The following CFAP251 variants were observed in gnomAD, a reference collection of about 807,000 sequenced individuals.
CFAP251 encodes cilia- and flagella-associated protein 251.
A neutral mutation model predicts 126.7 loss-of-function variants in CFAP251; 93 were observed. That is an observed-to-expected ratio of 0.73 (90% CI 0.62 to 0.87). The LOEUF is 0.87. Ranked by LOEUF, CFAP251 falls within the 40% of genes least tolerant of loss-of-function variation. The probability of loss-of-function intolerance (pLI) is 0.00; values close to 1 mark genes in which losing one functional copy is unlikely to be tolerated. For missense variants in CFAP251, 1,287 were observed against 1,389.2 expected, an observed-to-expected ratio of 0.93 and a Z score of 1.17; for synonymous variants, 503 against 506.9, an observed-to-expected ratio of 0.99 and a Z score of 0.10.
Position 121,998,432 on chromosome 12 carries a change from AATAT to A in CFAP251, c.3007-1231_3007-1228del, listed in dbSNP as rs71082926. On this transcript the variant is annotated intron_variant, in intron 19 of 21. Coordinates refer to ENST00000288912, the MANE Select transcript of CFAP251 (RefSeq NM_144668.6). ...TACCAGTTCTAATAGTTTTTAGTGT[AATAT>A]ATATATATATATATATATATATATA... 7.1e-3 allele frequency: 593 copies of A among 84,040 alleles called. 2 individuals are homozygous for A. Among genetic ancestry groups the A allele is most frequent in the Non-Finnish European group, 8.6e-3 (345 of 40,214 alleles). 5.2% of individuals were successfully genotyped at this position (84,040 alleles called of 1,614,324 possible). A position where few individuals can be genotyped will look rare whatever the true frequency, so the allele number is the denominator to read the frequency against.
intron 11 of CFAP251, among the ~76,000 whole-genome samples, chr12:121,957,567 G>A (rs901854445): frequency 5.3e-5 from 8 of 152,080 alleles, no homozygotes; most frequent in Non-Finnish European, 1.2e-4. Context: ...AGCCGGGCGT[G>A]GTGACGGGTG....
chr12:121,966,146 TCCCTCCCCTC>T (rs1565916169), intron 15 of CFAP251, among the ~76,000 whole-genome samples: 2 of 40,224 alleles, frequency 5.0e-5, no homozygotes, highest in Non-Finnish European at 1.2e-4. Flanking sequence ...ACTCTTCCCT[TCCCTCCCCTC>T]CCCTCCCCTC....
At chr12:121,969,468 C>G (rs1882261979) in intron 17 of CFAP251, 1 of 985,244 alleles carries the variant, frequency 1.0e-6, no homozygotes, top group Non-Finnish European at 1.2e-6. Context: ...CCTGTGGGGA[C>G]AAGCAGAACC....
chr12:121,969,034 C>A (rs541376469), intron 17 of CFAP251: 1 of 985,090 alleles, frequency 1.0e-6, no homozygotes, highest in South Asian at 4.7e-5. Flanking sequence ...TTCTCCAAGC[C>A]CCTGCGCTGC....
At chr12:121,953,665 T>C (rs1301585597) in intron 9 of CFAP251, 2 of 160,044 alleles carry the variant, frequency 1.2e-5, no homozygotes, top group Non-Finnish European at 2.8e-5. Context: ...TCGGGCAGCA[T>C]AGAGAATAGG....
In CFAP251 at chr12:121,999,812, C is replaced by G. The variant is rs771775915; in HGVS notation, c.3103C>G (p.Leu1035Val). ...CTTACCAGATTTCCTAAAAGTGTAC[C>G]TTAACCACAAGCCACCTTTTGGTAA... Reference protein sequence around the residue: ...INLPDFLKVYLNHKPPFGNTM... With the variant: ...INLPDFLKVYVNHKPPFGNTM... Residue 1035 changes from leucine to valine, a missense_variant, in exon 20 of 22, where the codon CTT becomes GTT. Transcript: ENST00000288912. The G allele has an allele frequency of 1.9e-5, 31 of 1,613,950 alleles. No individual in the cohort carries two copies. Among genetic ancestry groups the G allele is most frequent in the East Asian group, 1.1e-4 (5 of 44,896 alleles).
At chr12:121,992,419 G>T in intron 19 of CFAP251, 1 of 985,374 alleles carries the variant, frequency 1.0e-6, no homozygotes, top group Non-Finnish European at 1.2e-6. Context: ...TGAGTGGTTT[G>T]TGCTGTGAAT....
intron 7 of CFAP251, among the ~76,000 whole-genome samples, chr12:121,945,226 C>T (rs933540449): frequency 3.3e-5 from 5 of 152,214 alleles, no homozygotes; most frequent in South Asian, 4.1e-4. Flanking sequence ...TCACCTCTAC[C>T]TGCATTATCT....
In CFAP251 at chr12:122,003,651, G is replaced by A. The variant is rs760007700; in HGVS notation, c.3338-1G>A. The stretch of plus-strand genomic sequence containing the variant: ...TGGTGTTCTTTTCTTGTTTTGGCTA[G>A]GTTCAGAAATTTGCCTTGAAGAAGA... On this transcript the variant is annotated splice_acceptor_variant, in intron 21 of 21. Transcript: ENST00000288912. LOFTEE classifies it high-confidence loss of function. The A allele has an allele frequency of 6.2e-7, 1 of 1,606,744 alleles. No individual in the cohort carries two copies. The highest frequency in any genetic ancestry group is 8.5e-7 in the Non-Finnish European group (1 of 1,177,540).
In CFAP251 at chr12:121,931,731, G is replaced by T. The variant is rs1880699137; in HGVS notation, c.748-15G>T. 1 of 1,543,390 alleles carries T rather than the reference G, an allele frequency of 6.5e-7. No individual in the cohort carries two copies. The highest frequency in any genetic ancestry group is 8.7e-7 in the Non-Finnish European group (1 of 1,149,286). On this transcript the variant is annotated splice_polypyrimidine_tract_variant and intron_variant, in intron 3 of 21. Coordinates refer to ENST00000288912, the MANE Select transcript of CFAP251 (RefSeq NM_144668.6). ...CACGCTGTAATGTCTTGCTGGCTTT[G>T]CCCTTGTCTTCCAGACCATGACCTG...
At chr12:121,998,889 C>CAAAAAAAA (rs60289920) in intron 19 of CFAP251, 1 of 30,608 alleles carries the variant, frequency 3.3e-5, no homozygotes, top group South Asian at 1.7e-3. Context: ...GACCCTGTAT[C>CAAAAAAAA]AAAAAAAAAA....
chr12:121,958,196 C>G, intron 11 of CFAP251, 76 bp from the exon 12 acceptor site: 1 of 1,572,502 alleles, frequency 6.4e-7, no homozygotes. Context: ...GTTTTATGTG[C>G]AATTAGAAGC....
intron 3 of CFAP251, among the ~76,000 whole-genome samples, chr12:121,928,220 C>G (rs547611022): frequency 6.6e-6 from 1 of 152,136 alleles, no homozygotes; most frequent in Admixed American, 6.6e-5. Flanking sequence ...TCCAAAAGAA[C>G]AATTTCATTT....
chr12:121,948,801 A>C, intron 7 of CFAP251, 183 bp from the exon 8 acceptor site: 1 of 452,274 alleles, frequency 2.2e-6, no homozygotes. Flanking sequence ...CACATTTGAC[A>C]CTGTTTATTT....
intron 17 of CFAP251, among the ~76,000 whole-genome samples, chr12:121,973,320 G>A (rs1455930599): frequency 6.6e-6 from 1 of 152,248 alleles, no homozygotes; most frequent in Non-Finnish European, 1.5e-5. Context: ...GAAGGTGTAT[G>A]GAAACACCTT....
intron 19 of CFAP251, among the ~76,000 whole-genome samples, chr12:121,977,576 C>T (rs1030184634): frequency 6.6e-6 from 1 of 152,082 alleles, no homozygotes; most frequent in African/African-American, 2.4e-5. Context: ...AAGAGAATCG[C>T]TTGAACCCAG....
At chr12:121,992,566 T>C in intron 19 of CFAP251, 3 of 857,290 alleles carry the variant, frequency 3.5e-6, no homozygotes, top group Non-Finnish European at 4.2e-6. Flanking sequence ...TTATATATAT[T>C]ATTTCTTTTT....
chr12:121,963,390 C>G (rs1320225377), intron 15 of CFAP251, among the ~76,000 whole-genome samples: 5 of 151,882 alleles, frequency 3.3e-5, no homozygotes, highest in African/African-American at 1.2e-4. Flanking sequence ...CTTGAGATGC[C>G]TGCTTGGCAT....
intron 10 of CFAP251, among the ~76,000 whole-genome samples, chr12:121,956,582 G>A (rs1302030587): frequency 6.6e-6 from 1 of 152,068 alleles, no homozygotes; most frequent in African/African-American, 2.4e-5. Context: ...TGCAAGCTCC[G>A]CCTTCCATGT....
Sources: allele counts gnomAD v4.1 joint callset (sites outside exome capture counted in the v4.1 genomes callset), GRCh38; gene constraint gnomAD v4.1.1; transcripts MANE v1.5; gene names NCBI Gene and HGNC (gene_info 2026-07-23, HGNC 2026-07-21).